Variants in SESTD1 observed in about 807,000 individuals in gnomAD.
SESTD1 encodes the protein SEC14 and spectrin domain containing 1.
A neutral mutation model predicts 101.7 loss-of-function variants in SESTD1; 43 were observed. The observed-to-expected ratio is 0.42, with a 90% CI of 0.33 to 0.55. The LOEUF (loss-of-function observed/expected upper bound fraction) is 0.55, where lower values mean the gene tolerates loss of function less well. Ranked by LOEUF, SESTD1 falls within the 20% of genes least tolerant of loss-of-function variation. The probability of loss-of-function intolerance (pLI) is 0.07; values close to 1 mark genes in which losing one functional copy is unlikely to be tolerated. For synonymous variants in SESTD1, 283 were observed against 286.8 expected (o/e 0.99, Z 0.13); for missense variants, 647 against 815.1 (o/e 0.79, Z 2.51).
At chr2:179,144,794 T>C (rs965208091) in intron 8 of SESTD1, among the ~76,000 whole-genome samples, 5 of 152,044 alleles carry the variant, frequency 3.3e-5, no homozygotes, top group South Asian at 2.1e-4. Flanking sequence ...TAAAAGTTAA[T>C]AGCATATAAA....
intron 10 of SESTD1, 198 bp downstream of exon 10, chr2:179,132,106 G>A: frequency 2.0e-6 from 1 of 491,246 alleles, no homozygotes; most frequent in Non-Finnish European, 3.4e-6. Context: ...AACTGCATTA[G>A]AGACAAAACC....
chr2:179,118,433 TGG>T (rs529109052), intron 13 of SESTD1, among the ~76,000 whole-genome samples: 112 of 152,302 alleles, frequency 7.4e-4, no homozygotes, highest in African/African-American at 2.6e-3. Context: ...GCAGGTGGGA[TGG>T]GGGACTCCCA....
At chr2:179,155,562 G>C (rs761985882) in intron 5 of SESTD1, among the ~76,000 whole-genome samples, 13 of 151,858 alleles carry the variant, frequency 8.6e-5, no homozygotes, top group Non-Finnish European at 1.6e-4. Flanking sequence ...ACTGCAGTGA[G>C]CTATGATCGT....
chr2:179,149,495 G>A, intron 6 of SESTD1, 101 bp from the exon 7 acceptor site: 3 of 740,808 alleles, frequency 4.0e-6, no homozygotes, highest in Non-Finnish European at 6.2e-6. Context: ...GCTAGGATAT[G>A]TTTTCCTTCC....
At position 179,104,748 on chromosome 2, in the gene SESTD1, A is replaced by AT. The variant is rs2044343857; in HGVS notation, c.*5150_*5151insA. On this transcript the variant is annotated 3_prime_UTR_variant, in exon 18 of 18. Coordinates refer to ENST00000428443, the MANE Select transcript of SESTD1 (RefSeq NM_178123.5). ...TACTTTCAGTTAAGAATTCCTATAA[A>AT]ATTACATATAGGAATTATACATACA... is the stretch of plus-strand genomic sequence containing the variant. 6.6e-6 allele frequency: 1 copy of AT among 152,098 alleles called. No homozygotes were observed. The highest frequency in any genetic ancestry group is 1.5e-5 in the Non-Finnish European group (1 of 68,012). The allele number at this position is 152,098 out of a possible 1,614,324, so 9.4% of individuals were successfully genotyped here. A position where few individuals can be genotyped will look rare whatever the true frequency, so the allele number is the denominator to read the frequency against.
chr2:179,200,425 A>C (rs895904397), intron 1 of SESTD1, among the ~76,000 whole-genome samples: 46 of 151,906 alleles, frequency 3.0e-4, no homozygotes, highest in African/African-American at 1.0e-3. Context: ...AAACTACTTT[A>C]AAGTTCATAT....
chr2:179,262,299 A>C (rs1024305947), intron 1 of SESTD1, among the ~76,000 whole-genome samples: 1 of 152,190 alleles, frequency 6.6e-6, no homozygotes, highest in Admixed American at 6.5e-5. Context: ...AATTTTGTGA[A>C]TATATTAAAA....
At chr2:179,238,395 T>C (rs1356501698) in intron 1 of SESTD1, among the ~76,000 whole-genome samples, 1 of 152,214 alleles carries the variant, frequency 6.6e-6, no homozygotes, top group African/African-American at 2.4e-5. Context: ...TTAGAAATCC[T>C]GTCATGATCA....
intron 9 of SESTD1, among the ~76,000 whole-genome samples, chr2:179,139,375 A>T (rs2045226383): frequency 6.6e-6 from 1 of 152,160 alleles, no homozygotes; most frequent in African/African-American, 2.4e-5. Flanking sequence ...CTCTGGACTC[A>T]TCTAAAACCG....
rs892877248 is a variant in SESTD1, at chr2:179,203,984, T to G, written c.-25-12118A>C. ...TTAAACCCTGGATCTGATAACTCCA[T>G]GCACTTACTGCTAGAATTGAACTGG... On this transcript the variant is annotated intron_variant, in intron 1 of 17. Coordinates refer to ENST00000428443, the MANE Select transcript of SESTD1 (RefSeq NM_178123.5). Among the ~76,000 whole-genome samples, 6 of 135,070 alleles carry G rather than the reference T, an allele frequency of 4.4e-5. 2 individuals are homozygous for G. Among genetic ancestry groups the G allele is most frequent in the South Asian group, 2.8e-4 (1 of 3,530 alleles). 88.6% of individuals were successfully genotyped at this position (135,070 alleles called of 152,430 possible).
In SESTD1 at chr2:179,109,702, A is replaced by G; in HGVS notation, c.*197T>C. 1.7e-6 allele frequency: 1 copy of G among 601,106 alleles called. No homozygotes were observed. Among genetic ancestry groups the G allele is most frequent in the Non-Finnish European group, 2.8e-6 (1 of 362,990 alleles). The allele number at this position is 601,106 out of a possible 1,614,324, so 37.2% of individuals were successfully genotyped here. ...AGTTCCTTCTTTTAAGATACTTGGA[A>G]TCTACAGCCTCGAAGCATGTTAAGT... On this transcript the variant is annotated 3_prime_UTR_variant, in exon 18 of 18. Coordinates refer to ENST00000428443, the MANE Select transcript of SESTD1 (RefSeq NM_178123.5).
chr2:179,245,290 A>G (rs1449071452), intron 1 of SESTD1, among the ~76,000 whole-genome samples: 1 of 152,008 alleles, frequency 6.6e-6, no homozygotes, highest in Non-Finnish European at 1.5e-5. Context: ...GCTGAGGCGG[A>G]CGGATCATGA....
At chr2:179,217,862 C>G (rs527322716) in intron 1 of SESTD1, among the ~76,000 whole-genome samples, 1 of 152,054 alleles carries the variant, frequency 6.6e-6, no homozygotes, top group African/African-American at 2.4e-5. Context: ...CCATCATTCT[C>G]AGCAAACTAC....
intron 9 of SESTD1, among the ~76,000 whole-genome samples, chr2:179,142,146 C>T (rs561709455): frequency 1.3e-5 from 2 of 152,314 alleles, no homozygotes; most frequent in African/African-American, 2.4e-5. Flanking sequence ...AATGGCCACA[C>T]ATATTGGTTT....
At chr2:179,145,143 CAA>C (rs969055435) in intron 8 of SESTD1, among the ~76,000 whole-genome samples, 2 of 152,008 alleles carry the variant, frequency 1.3e-5, no homozygotes, top group South Asian at 2.1e-4. Flanking sequence ...AAGGTTTGTG[CAA>C]AGTCTTTTTA....
intron 7 of SESTD1, among the ~76,000 whole-genome samples, chr2:179,148,797 A>C (rs1321395840): frequency 6.6e-6 from 1 of 152,172 alleles, no homozygotes; most frequent in East Asian, 1.9e-4. Context: ...GCGGTGGCTC[A>C]CGTCTGTAAT....
intron 9 of SESTD1, among the ~76,000 whole-genome samples, chr2:179,141,148 T>C (rs1352501445): frequency 6.6e-6 from 1 of 152,190 alleles, no homozygotes; most frequent in Non-Finnish European, 1.5e-5. Context: ...CCCTTCTACA[T>C]ATTCTCTTAG....
chr2:179,205,960 G>A (rs1192097998), intron 1 of SESTD1, among the ~76,000 whole-genome samples: 1 of 134,080 alleles, frequency 7.5e-6, no homozygotes, highest in Admixed American at 7.3e-5. Flanking sequence ...AGTTTTTCAA[G>A]TGTTTAGCAC....
At chr2:179,170,491 A>C (rs1405823592) in intron 5 of SESTD1, among the ~76,000 whole-genome samples, 1 of 152,182 alleles carries the variant, frequency 6.6e-6, no homozygotes, top group East Asian at 1.9e-4. Context: ...GGTTCCTGGC[A>C]CAGAACTCCT....
Sources: gnomAD v4.1 joint callset for allele counts (sites outside exome capture counted in the v4.1 genomes callset) on GRCh38, gnomAD v4.1.1 for gene constraint, MANE v1.5 for transcripts, NCBI Gene and HGNC (gene_info 2026-07-23, HGNC 2026-07-21) for gene names.